Variants in RBMS3 observed in about 807,000 individuals in gnomAD.
RBMS3 encodes RNA-binding motif, single-stranded-interacting protein 3.
RBMS3 carries 27 observed loss-of-function variants against 66.8 expected under a neutral mutation model. The observed-to-expected ratio is 0.40, with a 90% CI of 0.30 to 0.56. The LOEUF (loss-of-function observed/expected upper bound fraction) is 0.56, where lower values mean the gene tolerates loss of function less well. Ranked by LOEUF, RBMS3 falls within the 20% of genes least tolerant of loss-of-function variation. The pLI is 0.40. For synonymous variants in RBMS3, 188 were observed against 183.0 expected (o/e 1.03, Z -0.22); for missense variants, 513 against 549.5 (o/e 0.93, Z 0.66).
intron 4 of RBMS3, among the ~76,000 whole-genome samples, chr3:29,604,490 A>G (rs1379746544): frequency 2.0e-5 from 3 of 151,896 alleles, no homozygotes; most frequent in African/African-American, 4.8e-5. Context: ...CATCCTTCCT[A>G]TAGAGTTCTG....
chr3:29,739,442 C>T (rs1282987779), intron 4 of RBMS3, among the ~76,000 whole-genome samples: 1 of 129,730 alleles, frequency 7.7e-6, no homozygotes, highest in Non-Finnish European at 1.5e-5. Flanking sequence ...GGCTACAGAG[C>T]GAGACTCCGT....
chr3:29,958,967 T>C (rs577125907), intron 12 of RBMS3, among the ~76,000 whole-genome samples: 2 of 152,304 alleles, frequency 1.3e-5, no homozygotes, highest in South Asian at 2.1e-4. Flanking sequence ...TTACTACCCC[T>C]TTTTCACCAT....
intron 4 of RBMS3, among the ~76,000 whole-genome samples, chr3:29,724,340 A>G (rs2053767283): frequency 6.6e-6 from 1 of 152,210 alleles, no homozygotes; most frequent in Non-Finnish European, 1.5e-5. Flanking sequence ...TATGTAATAA[A>G]AATTGTAGAA....
intron 4 of RBMS3, among the ~76,000 whole-genome samples, chr3:29,733,127 A>G (rs942082866): frequency 8.5e-5 from 13 of 152,070 alleles, no homozygotes; most frequent in African/African-American, 3.1e-4. Flanking sequence ...CTATATATAC[A>G]TCTTTCTCAA....
intron 4 of RBMS3, among the ~76,000 whole-genome samples, chr3:29,739,325 G>T (rs868777632): frequency 6.6e-6 from 1 of 151,886 alleles, no homozygotes; most frequent in Non-Finnish European, 1.5e-5. Context: ...GCGTGGTGGC[G>T]GGCGCCTGTA....
At position 29,312,949 on chromosome 3, in the gene RBMS3, C is replaced by T. The variant is rs1012332656; in HGVS notation, c.75+31193C>T. ...ACTTCACTGCCCCTGCAGTGCCATT[C>T]ACGTGTACCCCATCATTTCAGGACA... is the stretch of plus-strand genomic sequence containing the variant. On this transcript the variant is annotated intron_variant, in intron 1 of 14. Transcript: ENST00000383767. 1.6e-4 allele frequency among the ~76,000 whole-genome samples: 25 copies of T among 151,700 alleles called. 2 individuals carry two copies. The highest frequency in any genetic ancestry group is 1.5e-3 in the Admixed American group (23 of 15,186).
At chr3:29,341,508 A>G (rs1051482937) in intron 1 of RBMS3, among the ~76,000 whole-genome samples, 3 of 152,092 alleles carry the variant, frequency 2.0e-5, no homozygotes, top group African/African-American at 7.2e-5. Context: ...TTGTATTTCT[A>G]CTTTTTTATA....
intron 12 of RBMS3, among the ~76,000 whole-genome samples, chr3:29,963,229 A>C (rs997918086): frequency 6.6e-6 from 1 of 152,164 alleles, no homozygotes; most frequent in Non-Finnish European, 1.5e-5. Flanking sequence ...AAGAGATCTG[A>C]AATTTTGTAG....
chr3:29,920,758 G>A (rs774600501), intron 10 of RBMS3, among the ~76,000 whole-genome samples: 13 of 150,944 alleles, frequency 8.6e-5, no homozygotes, highest in Admixed American at 4.0e-4. Flanking sequence ...GGCAGATCTC[G>A]AGGTCAGGAG....
chr3:29,606,787 A>T (rs939648306), intron 4 of RBMS3, among the ~76,000 whole-genome samples: 1 of 151,994 alleles, frequency 6.6e-6, no homozygotes, highest in Non-Finnish European at 1.5e-5. Context: ...CTTGCAGACA[A>T]ATGTTGCCCA....
chr3:29,847,688 C>G (rs553009506), intron 6 of RBMS3, among the ~76,000 whole-genome samples: 1 of 151,646 alleles, frequency 6.6e-6, no homozygotes, highest in South Asian at 2.1e-4. Context: ...CGGAGTCTCC[C>G]TCTGTCGCCC....
chr3:29,377,936 C>T (rs1051131488), intron 1 of RBMS3, among the ~76,000 whole-genome samples: 3 of 152,180 alleles, frequency 2.0e-5, no homozygotes, highest in African/African-American at 7.2e-5. Context: ...GCTCTTGCTA[C>T]CTGTATTTTT....
At chr3:29,314,065 G>GT (rs1427733052) in intron 1 of RBMS3, among the ~76,000 whole-genome samples, 1 of 151,034 alleles carries the variant, frequency 6.6e-6, no homozygotes, top group Non-Finnish European at 1.5e-5. Flanking sequence ...GGTGGTGGAG[G>GT]TATAGGGGTG....
At chr3:29,323,726 A>ACC (rs545150023) in intron 1 of RBMS3, among the ~76,000 whole-genome samples, 421 of 140,656 alleles carry the variant, frequency 3.0e-3, no homozygotes, top group South Asian at 0.014. Flanking sequence ...ACACACACAC[A>ACC]CCCCTTGGAC....
intron 1 of RBMS3, among the ~76,000 whole-genome samples, chr3:29,393,978 C>T (rs917379742): frequency 1.3e-5 from 2 of 152,184 alleles, no homozygotes; most frequent in African/African-American, 4.8e-5. Flanking sequence ...TCCCACTGGG[C>T]ATGCATTGTC....
At chr3:29,559,420 A>G (rs2046464241) in intron 3 of RBMS3, among the ~76,000 whole-genome samples, 1 of 147,306 alleles carries the variant, frequency 6.8e-6, no homozygotes, top group Non-Finnish European at 1.5e-5. Flanking sequence ...CTGAGGCAGG[A>G]GAGTCACTTG....
intron 3 of RBMS3, among the ~76,000 whole-genome samples, chr3:29,568,819 T>G (rs1007876109): frequency 6.6e-6 from 1 of 152,098 alleles, no homozygotes; most frequent in Non-Finnish European, 1.5e-5. Context: ...GGCAAAGAGA[T>G]TGTAGGAAGA....
intron 4 of RBMS3, among the ~76,000 whole-genome samples, chr3:29,644,155 T>C (rs1305999991): frequency 6.6e-6 from 1 of 152,160 alleles, no homozygotes; most frequent in Non-Finnish European, 1.5e-5. Flanking sequence ...ATAGTAATTT[T>C]CCCCAAAGTT....
intron 3 of RBMS3, among the ~76,000 whole-genome samples, chr3:29,515,042 G>T (rs1236992885): frequency 6.6e-6 from 1 of 152,040 alleles, no homozygotes; most frequent in East Asian, 1.9e-4. Flanking sequence ...ATAGAGTCCA[G>T]GAAGTTCCCA....
Sources: allele counts gnomAD v4.1 joint callset (sites outside exome capture counted in the v4.1 genomes callset), GRCh38; gene constraint gnomAD v4.1.1; transcripts MANE v1.5; gene names NCBI Gene and HGNC (gene_info 2026-07-23, HGNC 2026-07-21).